The following MYBPC3 variants were observed in gnomAD, a reference collection of about 807,000 sequenced individuals.
The protein encoded by MYBPC3 is myosin binding protein C3, also known as myosin-binding protein C, cardiac-type.
Under a neutral mutation model 159.3 loss-of-function variants are expected in MYBPC3, and 108 were observed. That is an observed-to-expected ratio of 0.68 (90% CI 0.58 to 0.80). The LOEUF is 0.80. Ranked by LOEUF, MYBPC3 falls within the 30% of genes least tolerant of loss-of-function variation. MYBPC3 has a pLI of 0.00. For synonymous variants in MYBPC3, 730 were observed against 702.0 expected (o/e 1.04, Z -0.63); for missense variants, 1,631 against 1,762.1 (o/e 0.93, Z 1.33).
chr11:47,334,017 G>A lies in MYBPC3; in HGVS notation c.2906-7C>T, dbSNP rs876657512. The A allele has an allele frequency of 6.4e-6, 10 of 1,570,126 alleles. 1 individual carries two copies. Among genetic ancestry groups the A allele is most frequent in the Non-Finnish European group, 8.6e-6 (10 of 1,157,488 alleles). On this transcript the variant is annotated splice_polypyrimidine_tract_variant and splice_region_variant and intron_variant, in intron 27 of 34. Transcript: ENST00000545968. ...AGCTGAAGCCGTGGCCGTTCTGTGG[G>A]TATAGAGTGGGTAGCTAAGTGAGGG...
intron 1 of MYBPC3, among the ~76,000 whole-genome samples, chr11:47,352,276 A>G (rs1185977477): frequency 1.3e-5 from 2 of 152,088 alleles, no homozygotes; most frequent in Non-Finnish European, 2.9e-5. Flanking sequence ...GCTCCATACT[A>G]AACGTGGGCT....
chr11:47,335,754 T>A, intron 26 of MYBPC3, 123 bp downstream of exon 26: 1 of 813,322 alleles, frequency 1.2e-6, no homozygotes, highest in Non-Finnish European at 1.8e-6. Flanking sequence ...CAGATATTTC[T>A]CTGGGTGTCC....
Position 47,351,116 on chromosome 11 carries a change from G to A in MYBPC3, c.292+123C>T, listed in dbSNP as rs1308180118. On this transcript the variant is annotated intron_variant, in intron 2 of 34. Transcript: ENST00000545968. The surrounding 1 kb of genome is among the most constrained non-coding windows in gnomAD (Gnocchi z 4.2). ...GGGGAAAGGGCGTTCCTGGCGGGGG[G>A]CACAGCCACAGCAAAGGCAAGAAAG... is the stretch of plus-strand genomic sequence containing the variant. 8.7e-6 allele frequency: 11 copies of A among 1,263,124 alleles called. No individual in the cohort carries two copies. The highest frequency in any genetic ancestry group is 1.2e-5 in the Non-Finnish European group (11 of 949,012). 78.2% of individuals were successfully genotyped at this position (1,263,124 alleles called of 1,614,324 possible).
intron 6 of MYBPC3, 102 bp from the exon 7 acceptor site, chr11:47,348,007 T>A: frequency 8.7e-7 from 1 of 1,145,708 alleles, no homozygotes. Flanking sequence ...GACTTGCCCA[T>A]TCATGACCCC....
intron 8 of MYBPC3, 39 bp downstream of exon 8, chr11:47,347,612 G>A (rs1436858044): frequency 8.3e-6 from 13 of 1,566,592 alleles, no homozygotes; most frequent in Non-Finnish European, 1.1e-5. Context: ...ACCCCTGGGG[G>A]TCTGCGGATG....
chr11:47,339,857 G>A (rs1595844982), intron 20 of MYBPC3, 67 bp from the exon 21 acceptor site: 1 of 1,549,368 alleles, frequency 6.5e-7, no homozygotes, highest in East Asian at 2.3e-5. Context: ...ACTGGGGCGG[G>A]GCTGCTCAAG....
intron 5 of MYBPC3, among the ~76,000 whole-genome samples, chr11:47,348,841 G>C (rs983344290): frequency 2.8e-5 from 4 of 142,002 alleles, no homozygotes; most frequent in African/African-American, 1.0e-4. Flanking sequence ...GGAGGTGGAG[G>C]TTGCAGTGAG....
At chr11:47,348,631 C>A (rs1005063864) in intron 5 of MYBPC3, 90 bp from the exon 6 acceptor site, 2 of 1,028,274 alleles carry the variant, frequency 1.9e-6, no homozygotes, top group Admixed American at 2.5e-5. Context: ...AGTGGCCGGG[C>A]GCGGTGGCTC....
At position 47,351,504 on chromosome 11, in the gene MYBPC3, G is replaced by C. The variant is rs746076911; in HGVS notation, c.27C>G (p.Val9=). The C allele has an allele frequency of 6.3e-7, 1 of 1,583,458 alleles. No homozygotes were observed. ...ACCGTGGCTTCTTGCTAAAAGCTGA[G>C]ACTGAAGGGCCAGGTGGAGGCTACA... MPEPGKKP[V]SAFSKKPRSV... Residue 9 remains valine, a splice_region_variant and synonymous_variant, in exon 2 of 35, where the codon GTC becomes GTG. Coordinates refer to ENST00000545968, the MANE Select transcript of MYBPC3 (RefSeq NM_000256.3). The surrounding 1 kb of genome is among the most constrained non-coding windows in gnomAD (Gnocchi z 4.2).
intron 26 of MYBPC3, 31 bp downstream of exon 26, chr11:47,335,845 TG>T: frequency 1.1e-6 from 1 of 920,642 alleles, no homozygotes; most frequent in South Asian, 2.5e-5. Context: ...GTTCTTCCTT[TG>T]GGGAGGGGGG....
chr11:47,345,766 C>T (rs1234665761), intron 12 of MYBPC3, among the ~76,000 whole-genome samples: 2 of 152,180 alleles, frequency 1.3e-5, no homozygotes, highest in Middle Eastern at 6.3e-3. Context: ...CTGTGTGTGG[C>T]TCTCCAGGCT....
chr11:47,341,295 C>A lies in MYBPC3; in HGVS notation c.1791-51G>T. ...ACCCCACTGGGCCACACACCCCTGG[C>A]CTTGCCAGATACCCCAGCCAGGGTC... is the stretch of plus-strand genomic sequence containing the variant. On this transcript the variant is annotated intron_variant, in intron 18 of 34. Coordinates refer to ENST00000545968, the MANE Select transcript of MYBPC3 (RefSeq NM_000256.3). 3 of 1,432,566 alleles carry A rather than the reference C, an allele frequency of 2.1e-6. No individual in the cohort carries two copies. In the South Asian group the frequency reaches 3.8e-5, roughly 18 times the overall value. 88.7% of individuals were successfully genotyped at this position (1,432,566 alleles called of 1,614,324 possible). A position where few individuals can be genotyped will look rare whatever the true frequency, so the allele number is the denominator to read the frequency against.
intron 18 of MYBPC3, among the ~76,000 whole-genome samples, 156 bp downstream of exon 18, chr11:47,341,835 C>T (rs1314543570): frequency 6.6e-6 from 1 of 151,994 alleles, no homozygotes; most frequent in Non-Finnish European, 1.5e-5. Flanking sequence ...TCTGTTTCTC[C>T]CTCTCTGTGG....
In MYBPC3 at chr11:47,341,139, CA is replaced by C. The variant is rs397515934; in HGVS notation, c.1895del (p.Met632ArgfsTer31). 1 of 1,592,368 alleles carries C rather than the reference CA, an allele frequency of 6.3e-7. No homozygotes were observed. Among genetic ancestry groups the C allele is most frequent in the South Asian group, 1.1e-5 (1 of 87,708 alleles). On this transcript the variant is annotated frameshift_variant and splice_region_variant, in exon 19 of 35. Coordinates refer to ENST00000545968, the MANE Select transcript of MYBPC3 (RefSeq NM_000256.3). LOFTEE classifies it high-confidence loss of function. ...ACNLSAKLHF[M>X]EVKIDFVPRQ... ...CACCCTACCCTGGAGCAGGCTCACC[CA>C]TGAAGTGGAGCTTGGCTGACAGGTT...
chr11:47,349,185 G>A (rs892596210), intron 5 of MYBPC3, among the ~76,000 whole-genome samples: 1 of 151,742 alleles, frequency 6.6e-6, no homozygotes, highest in Admixed American at 6.6e-5. Context: ...GAGGCTTGGA[G>A]TGAACAAACA....
At position 47,342,012 on chromosome 11, in the gene MYBPC3, A is replaced by G. The variant is rs1374149954; in HGVS notation, c.1769T>C (p.Ile590Thr). Residue 590 changes from isoleucine (I) to threonine (T), a missense_variant, in exon 18 of 35, where the codon ATA (isoleucine) becomes ACA (threonine). Transcript: ENST00000545968. The part of the protein sequence containing the change: ...NGKELVPDSR[I>T]KVSHIGRVHK... Reference sequence around the variant, plus strand: ...TCACCGCCCGATGTGGGACACCTTTATGCGGCTGTCGGGCACCAGCTCCTT... The same window carrying G: ...TCACCGCCCGATGTGGGACACCTTTGTGCGGCTGTCGGGCACCAGCTCCTT... The G allele has an allele frequency of 1.3e-6, 2 of 1,577,800 alleles. No homozygotes were observed. The highest frequency in any genetic ancestry group is 1.7e-6 in the Non-Finnish European group (2 of 1,161,032).
Position 47,337,436 on chromosome 11 carries a change from C to G in MYBPC3, c.2557G>C (p.Gly853Arg). 6.2e-7 allele frequency: 1 copy of G among 1,610,654 alleles called. No homozygotes were observed. Among genetic ancestry groups the G allele is most frequent in the African/African-American group, 1.3e-5 (1 of 75,020 alleles). ...EMRVYAVNAI[G>R]MSRPSPASQP... is the part of the protein sequence containing the mutation. The stretch of plus-strand genomic sequence containing the variant: ...GAGGCAGGGCTGGGCCTGGACATGC[C>G]GATGGCGTTGACCGCGTAGACGCGC... The change falls in exon 25 of 35, where the codon GGC becomes CGC. Residue 853 changes from glycine to arginine, a missense_variant. Transcript: ENST00000545968.
In MYBPC3 at chr11:47,342,812, C is replaced by T. The variant is rs746705622; in HGVS notation, c.1457+18G>A. ...GCAGATGCCCCCAACACCCATGCCC[C>T]GTGCTTCTGGAACTCACCATTTGAC... On this transcript the variant is annotated intron_variant, in intron 16 of 34. Coordinates refer to ENST00000545968, the MANE Select transcript of MYBPC3 (RefSeq NM_000256.3). The T allele has an allele frequency of 3.0e-5, 49 of 1,612,278 alleles. No individual in the cohort carries two copies. The highest frequency in any genetic ancestry group is 3.5e-5 in the Non-Finnish European group (41 of 1,178,846).
In MYBPC3 at chr11:47,349,860, T is replaced by C. The variant is rs777665200; in HGVS notation, c.568A>G (p.Lys190Glu). 1.2e-6 allele frequency: 2 copies of C among 1,612,758 alleles called. No individual in the cohort carries two copies. The highest frequency in any genetic ancestry group is 2.2e-5 in the South Asian group (2 of 90,840). Residue 190 changes from lysine (K) to glutamate (E), a missense_variant, in exon 5 of 35, where the codon AAG (lysine) becomes GAG (glutamate). Lys to Glu is a moderately conservative substitution (Grantham distance 56, BLOSUM62 1). Coordinates refer to ENST00000545968, the MANE Select transcript of MYBPC3 (RefSeq NM_000256.3). ...TCCACCCATTTGCCCTTGAACCACT[T>C]GACCACAGGCGGCTTCAGGAGGCTG... ...GASLLKPPVV[K>E]WFKGKWVDLS...
Sources: gnomAD v4.1 joint callset for allele counts (sites outside exome capture counted in the v4.1 genomes callset) on GRCh38, gnomAD v4.1.1 for gene constraint, Gnocchi (gnomAD v3.1) non-coding constraint, MANE v1.5 for transcripts, NCBI Gene and HGNC (gene_info 2026-07-23, HGNC 2026-07-21) for gene names.